Variants in FBXL17 observed in about 807,000 individuals in gnomAD.
FBXL17 encodes F-box/LRR-repeat protein 17.
A neutral mutation model predicts 66.2 loss-of-function variants in FBXL17; 22 were observed. The ratio of observed to expected loss-of-function variants is 0.33; its 90% CI spans 0.24 to 0.47. The LOEUF (loss-of-function observed/expected upper bound fraction) is 0.47, where lower values mean the gene tolerates loss of function less well. Ranked by LOEUF, FBXL17 falls within the 20% of genes least tolerant of loss-of-function variation. FBXL17 has a pLI of 1.00. For missense variants in FBXL17, 878 were observed against 948.2 expected, an observed-to-expected ratio of 0.93 and a Z score of 0.97; for synonymous variants, 474 against 400.5, an observed-to-expected ratio of 1.18 and a Z score of -2.19.
At chr5:108,082,245 T>C (rs1260451041) in intron 6 of FBXL17, among the ~76,000 whole-genome samples, 1 of 151,642 alleles carries the variant, frequency 6.6e-6, no homozygotes, top group Admixed American at 6.6e-5. Context: ...AATGCTGTAA[T>C]GTGGAAAGAG....
intron 7 of FBXL17, among the ~76,000 whole-genome samples, chr5:107,933,247 G>T (rs1337459015): frequency 6.6e-6 from 1 of 152,160 alleles, no homozygotes; most frequent in South Asian, 2.1e-4. Flanking sequence ...AGAATGAGAT[G>T]GAACTTGGGA....
At chr5:108,183,303 T>A (rs1444987545) in intron 6 of FBXL17, among the ~76,000 whole-genome samples, 1 of 152,116 alleles carries the variant, frequency 6.6e-6, no homozygotes, top group Non-Finnish European at 1.5e-5. Flanking sequence ...CCTCCCAAAG[T>A]GCTAGGCTTA....
At chr5:108,260,794 C>T (rs915868982) in intron 4 of FBXL17, among the ~76,000 whole-genome samples, 7 of 152,056 alleles carry the variant, frequency 4.6e-5, no homozygotes, top group African/African-American at 1.7e-4. Flanking sequence ...AGAAAGATTC[C>T]GCTCTGTGCC....
intron 5 of FBXL17, among the ~76,000 whole-genome samples, chr5:108,218,140 G>A (rs1399145572): frequency 6.6e-6 from 1 of 150,704 alleles, no homozygotes; most frequent in Non-Finnish European, 1.5e-5. Flanking sequence ...AGAGTAGCTG[G>A]GACTATAGGC....
chr5:108,329,976 T>TGG (rs147742987), intron 4 of FBXL17, among the ~76,000 whole-genome samples: 2,310 of 152,224 alleles, frequency 0.015, 54 homozygotes, highest in African/African-American at 0.051. Flanking sequence ...TAGACCAGCA[T>TGG]GGCCTATGGA....
intron 1 of FBXL17, among the ~76,000 whole-genome samples, chr5:108,375,115 A>G (rs1439189252): frequency 6.6e-6 from 1 of 152,134 alleles, no homozygotes; most frequent in African/African-American, 2.4e-5. Flanking sequence ...GCACTTTGGG[A>G]AGCCAAAGTG....
chr5:108,195,933 G>A (rs1336846353), intron 5 of FBXL17, among the ~76,000 whole-genome samples: 1 of 152,106 alleles, frequency 6.6e-6, no homozygotes, highest in Non-Finnish European at 1.5e-5. Context: ...AGAAAAGATA[G>A]TTTTGTTTTG....
chr5:107,889,462 A>G (rs148120072), intron 7 of FBXL17, among the ~76,000 whole-genome samples: 1 of 152,216 alleles, frequency 6.6e-6, no homozygotes, highest in Non-Finnish European at 1.5e-5. Context: ...AGATAACATT[A>G]GAGACTAAAA....
chr5:108,153,588 C>T (rs1011799557), intron 6 of FBXL17, among the ~76,000 whole-genome samples: 1 of 152,158 alleles, frequency 6.6e-6, no homozygotes, highest in African/African-American at 2.4e-5. Flanking sequence ...CTTCACGTTG[C>T]TGATCTACTA....
chr5:107,949,017 T>A (rs1751407266), intron 7 of FBXL17, among the ~76,000 whole-genome samples: 1 of 152,088 alleles, frequency 6.6e-6, no homozygotes, highest in Admixed American at 6.6e-5. Flanking sequence ...ACAAGGAGAC[T>A]CCTAGTAACT....
At chr5:108,301,906 A>G (rs1300882187) in intron 4 of FBXL17, 3 of 368,256 alleles carry the variant, frequency 8.1e-6, no homozygotes, top group East Asian at 1.6e-4. Context: ...TGAAATCCAG[A>G]TATGTCTCAT....
In FBXL17 at chr5:108,381,746, C is replaced by T; in HGVS notation, c.-55G>A. 5.1e-6 allele frequency: 7 copies of T among 1,376,562 alleles called. No individual in the cohort carries two copies. The highest frequency in any genetic ancestry group is 1.6e-5 in the South Asian group (1 of 61,934). 85.3% of individuals were successfully genotyped at this position (1,376,562 alleles called of 1,614,324 possible). A position where few individuals can be genotyped will look rare whatever the true frequency, so the allele number is the denominator to read the frequency against. On this transcript the variant is annotated 5_prime_UTR_variant, in exon 1 of 9. Transcript: ENST00000542267. ...CGGGAGGGAGGGAGACCCAGAGAGG[C>T]GGGCTCCCGGCAGCGGGGCAGGCCG...
chr5:108,351,098 T>A (rs1329679781), intron 3 of FBXL17, among the ~76,000 whole-genome samples: 1 of 152,192 alleles, frequency 6.6e-6, no homozygotes, highest in African/African-American at 2.4e-5. Flanking sequence ...TTGGTCTTCA[T>A]TAGTGTTAAG....
At chr5:108,172,326 CTA>C (rs1752636327) in intron 6 of FBXL17, among the ~76,000 whole-genome samples, 1 of 152,176 alleles carries the variant, frequency 6.6e-6, no homozygotes, top group East Asian at 1.9e-4. Context: ...CCACCATATT[CTA>C]TCAGTCACAG....
At chr5:108,198,665 T>C (rs1376816742) in intron 5 of FBXL17, among the ~76,000 whole-genome samples, 1 of 152,202 alleles carries the variant, frequency 6.6e-6, no homozygotes, top group African/African-American at 2.4e-5. Context: ...ACATTTGTTT[T>C]ACTTAGTTTT....
At chr5:107,999,368 T>A (rs1753617186) in intron 7 of FBXL17, among the ~76,000 whole-genome samples, 1 of 152,070 alleles carries the variant, frequency 6.6e-6, no homozygotes, top group African/African-American at 2.4e-5. Flanking sequence ...CTGAAATATC[T>A]AAAATTGGAC....
intron 7 of FBXL17, among the ~76,000 whole-genome samples, chr5:107,957,330 T>C (rs12054721): frequency 0.41 from 62,523 of 151,852 alleles, 13,198 homozygotes; most frequent in Non-Finnish European, 0.45. Flanking sequence ...GGAAGTAACA[T>C]GCTAATAAAC....
rs560546511 is a variant in FBXL17 at position 108,107,567 on chromosome 5, C to T, written c.1745+78550G>A. Among the ~76,000 whole-genome samples, 32 of 152,126 alleles carry T rather than the reference C, an allele frequency of 2.1e-4. No homozygotes were observed. In the South Asian group the frequency reaches 5.6e-3, roughly 27 times the overall value. On this transcript the variant is annotated intron_variant, in intron 6 of 8. Coordinates refer to ENST00000542267, the MANE Select transcript of FBXL17 (RefSeq NM_001163315.3). ...GTGGCTCAAGCCTGTAATCCCAGCA[C>T]TTTGGGAGGCCAAGGCGGGCAGATC...
chr5:108,254,761 CA>C (rs1756503046), intron 4 of FBXL17, among the ~76,000 whole-genome samples: 1 of 152,098 alleles, frequency 6.6e-6, no homozygotes, highest in Non-Finnish European at 1.5e-5. Flanking sequence ...CATGGTAAAA[CA>C]AAGGACAGCC....
Sources: gnomAD v4.1 joint callset for allele counts (sites outside exome capture counted in the v4.1 genomes callset) on GRCh38, gnomAD v4.1.1 for gene constraint, MANE v1.5 for transcripts, NCBI Gene and HGNC (gene_info 2026-07-23, HGNC 2026-07-21) for gene names.